GPSM1: variants seen among roughly 807,000 people sequenced by gnomAD.
GPSM1 encodes the protein G protein-signaling modulator 1.
In GPSM1, 48 loss-of-function variants were observed where a neutral mutation model predicts 70.5. That is an observed-to-expected ratio of 0.68 (90% CI 0.54 to 0.87). The LOEUF is 0.87. GPSM1 is among the 40% of genes least tolerant of loss of function. The pLI, the probability that GPSM1 is intolerant of heterozygous loss-of-function variation, is 0.00. For missense variants in GPSM1, 981 were observed against 972.6 expected, an observed-to-expected ratio of 1.01 and a Z score of -0.11; for synonymous variants, 416 against 430.1, an observed-to-expected ratio of 0.97 and a Z score of 0.41.
At chr9:136,353,195 G>T in intron 11 of GPSM1, 2 of 768,090 alleles carry the variant, frequency 2.6e-6, no homozygotes, top group Non-Finnish European at 3.2e-6. Context: ...GGTGGAGGCT[G>T]AGGGAGCACA....
At chr9:136,331,366 C>A (rs4075084) in intron 1 of GPSM1, among the ~76,000 whole-genome samples, 2 of 140,834 alleles carry the variant, frequency 1.4e-5, no homozygotes, top group Non-Finnish European at 3.1e-5. Flanking sequence ...GACTCTGAGC[C>A]CCCCCCCCCC....
chr9:136,348,948 G>C (rs78632840), intron 10 of GPSM1, among the ~76,000 whole-genome samples, 181 bp downstream of exon 10: 4 of 152,232 alleles, frequency 2.6e-5, no homozygotes, highest in African/African-American at 9.6e-5. Context: ...GTCCCTCAGC[G>C]TCTGGCCAGC....
chr9:136,328,926 C>T (rs1832041466), intron 1 of GPSM1, among the ~76,000 whole-genome samples: 1 of 152,176 alleles, frequency 6.6e-6, no homozygotes, highest in Admixed American at 6.5e-5. Flanking sequence ...GGCGGCCGTG[C>T]TGTGAGGGGG....
chr9:136,342,861 G>C lies in GPSM1; in HGVS notation c.1207+1868G>C, dbSNP rs537643894. On this transcript the variant is annotated intron_variant, in intron 9 of 13. Coordinates refer to ENST00000440944, the MANE Select transcript of GPSM1 (RefSeq NM_001145638.3). This position sits in a 1 kb window ranked among gnomAD's most constrained non-coding sequence, Gnocchi z 5.5. ...CGCTGCCCAGCGGGGTGTGGGCAGGGAGGAGGAAGTCGTCTGGAGGTGGGG... is the reference window on the plus strand; with the variant it reads ...CGCTGCCCAGCGGGGTGTGGGCAGGCAGGAGGAAGTCGTCTGGAGGTGGGG... 6.6e-6 allele frequency among the ~76,000 whole-genome samples: 1 copy of C among 152,256 alleles called. No homozygotes were observed. The highest frequency in any genetic ancestry group is 2.4e-5 in the African/African-American group (1 of 41,564).
intron 9 of GPSM1, among the ~76,000 whole-genome samples, chr9:136,345,308 C>T (rs1174485169): frequency 3.3e-5 from 5 of 152,332 alleles, no homozygotes; most frequent in African/African-American, 7.2e-5. Flanking sequence ...AGTTTCCAAA[C>T]GTTGCCCTCG....
rs78632840 is a variant in GPSM1, at chr9:136,348,948, G to A, written c.1278+181G>A. On this transcript the variant is annotated intron_variant, in intron 10 of 13. Coordinates refer to ENST00000440944, the MANE Select transcript of GPSM1 (RefSeq NM_001145638.3). ...CACCTGCTCACCCATGTCCCTCAGC[G>A]TCTGGCCAGCTGTGCCCCAGGCGAG... is the stretch of plus-strand genomic sequence containing the variant. 3.1e-4 allele frequency among the ~76,000 whole-genome samples: 47 copies of A among 152,350 alleles called. 1 individual carries two copies. The East Asian group carries it at 6.6e-3, about 21-fold the overall frequency.
chr9:136,340,708 C>T lies in GPSM1; in HGVS notation c.1084-162C>T, dbSNP rs1408253147. Among the ~76,000 whole-genome samples the T allele has an allele frequency of 1.3e-5, 2 of 152,056 alleles. No homozygotes were observed. Among genetic ancestry groups the T allele is most frequent in the Non-Finnish European group, 2.9e-5 (2 of 68,000 alleles). On this transcript the variant is annotated intron_variant, in intron 8 of 13. Coordinates refer to ENST00000440944, the MANE Select transcript of GPSM1 (RefSeq NM_001145638.3). This position sits in a 1 kb window ranked among gnomAD's most constrained non-coding sequence, Gnocchi z 7.3. ...AGACCCCCAGACTCCACCTCCGGGT[C>T]CACAGTGAGTCCTGGTTCCCTCAGA...
intron 2 of GPSM1, among the ~76,000 whole-genome samples, chr9:136,334,896 C>G (rs557876431): frequency 1.3e-5 from 2 of 152,250 alleles, no homozygotes; most frequent in South Asian, 4.1e-4. Flanking sequence ...GGTGGCCCTG[C>G]TGGCAGGTGG....
chr9:136,349,779 G>C lies in GPSM1; in HGVS notation c.1455+16G>C. The C allele has an allele frequency of 6.4e-7, 1 of 1,551,900 alleles. No homozygotes were observed. Among genetic ancestry groups the C allele is most frequent in the Non-Finnish European group, 8.7e-7 (1 of 1,148,824 alleles). On this transcript the variant is annotated intron_variant, in intron 11 of 13. Coordinates refer to ENST00000440944, the MANE Select transcript of GPSM1 (RefSeq NM_001145638.3). Reference sequence around the variant, plus strand: ...GCCACGCACGGTAGGCGTCTTTGACGGCAGATCCAGGCCGAGAGGGAGGAG... The same window carrying C: ...GCCACGCACGGTAGGCGTCTTTGACCGCAGATCCAGGCCGAGAGGGAGGAG...
At chr9:136,353,508 C>T (rs576226034) in intron 11 of GPSM1, among the ~76,000 whole-genome samples, 3 of 152,218 alleles carry the variant, frequency 2.0e-5, no homozygotes, top group Non-Finnish European at 2.9e-5. Flanking sequence ...AGCCTTTCCC[C>T]GTACCAGGCA....
intron 11 of GPSM1, among the ~76,000 whole-genome samples, chr9:136,351,008 C>T (rs28378473): frequency 0.25 from 37,561 of 152,152 alleles, 4,864 homozygotes; most frequent in Non-Finnish European, 0.27. Context: ...ACCGATGGGC[C>T]GAGTCCGGGT....
At chr9:136,333,580 G>T (rs797043116) in intron 1 of GPSM1, among the ~76,000 whole-genome samples, 4 of 152,222 alleles carry the variant, frequency 2.6e-5, no homozygotes, top group African/African-American at 7.2e-5. Flanking sequence ...GTCCCTGCCC[G>T]AAGGTGGGGG....
At chr9:136,329,737 G>A (rs1006107356) in intron 1 of GPSM1, among the ~76,000 whole-genome samples, 2 of 152,206 alleles carry the variant, frequency 1.3e-5, no homozygotes, top group Admixed American at 6.5e-5. Flanking sequence ...CACTGACAGC[G>A]AGGCCCATGA....
rs1248225249 is a variant in GPSM1 at position 136,356,073 on chromosome 9, G to A, written c.1612+227G>A. ...CACTCAGGCTGCAGGGGCAGTCTCAGGGAGGGGGCAGGGCGTGGGGGACTG... is the reference window on the plus strand; with the variant it reads ...CACTCAGGCTGCAGGGGCAGTCTCAAGGAGGGGGCAGGGCGTGGGGGACTG... On this transcript the variant is annotated intron_variant, in intron 12 of 13. Coordinates refer to ENST00000440944, the MANE Select transcript of GPSM1 (RefSeq NM_001145638.3). Among the ~76,000 whole-genome samples the A allele has an allele frequency of 2.0e-5, 3 of 152,154 alleles. No individual in the cohort carries two copies. The East Asian group carries it at 5.8e-4, about 29-fold the overall frequency.
intron 13 of GPSM1, 127 bp downstream of exon 13, chr9:136,356,677 C>T (rs112693789): frequency 8.4e-5 from 57 of 678,916 alleles, no homozygotes; most frequent in African/African-American, 5.1e-4. Flanking sequence ...TTGAGGGACT[C>T]CTGGGGGACT....
intron 11 of GPSM1, 180 bp from the exon 12 acceptor site, chr9:136,355,508 GGT>G (rs1832788482): frequency 2.0e-5 from 9 of 453,994 alleles, no homozygotes; most frequent in Non-Finnish European, 3.5e-5. Flanking sequence ...CTGGGGGAGG[GGT>G]AGCCGGGTGC....
At chr9:136,328,355 C>T (rs1159138274) in intron 1 of GPSM1, among the ~76,000 whole-genome samples, 2 of 152,154 alleles carry the variant, frequency 1.3e-5, no homozygotes, top group African/African-American at 2.4e-5. Context: ...TCCCAATGTC[C>T]CCCCAGGGGC....
At chr9:136,338,882 G>A (rs576003182) in intron 7 of GPSM1, among the ~76,000 whole-genome samples, 172 bp downstream of exon 7, 18 of 152,326 alleles carry the variant, frequency 1.2e-4, no homozygotes, top group South Asian at 6.2e-4. Flanking sequence ...ACATTGGGCC[G>A]GCCACTGACC....
Position 136,355,853 on chromosome 9 carries a change from G to GC in GPSM1, c.1612+13dup, listed in dbSNP as rs34838530. On this transcript the variant is annotated splice_region_variant and intron_variant, in intron 12 of 13. Transcript: ENST00000440944. ...ACCCTGGAGGACAGGATCGGTGAGT[G>GC]CCCCCCTCAGCCGGGCCCTCCCTTG... The GC allele has an allele frequency of 4.4e-6, 7 of 1,598,182 alleles. No homozygotes were observed. The highest frequency in any genetic ancestry group is 1.3e-5 in the African/African-American group (1 of 74,470).
Sources: allele counts gnomAD v4.1 joint callset (sites outside exome capture counted in the v4.1 genomes callset), GRCh38; gene constraint gnomAD v4.1.1; non-coding constraint Gnocchi (gnomAD v3.1); transcripts MANE v1.5; gene names NCBI Gene and HGNC (gene_info 2026-07-23, HGNC 2026-07-21).